The following HYAL3 variants were observed in gnomAD, a reference collection of about 807,000 sequenced individuals.
The protein encoded by HYAL3 is hyaluronidase-3.
HYAL3 carries 25 observed loss-of-function variants against 29.6 expected under a neutral mutation model. The observed-to-expected ratio is 0.85, with a 90% CI of 0.62 to 1.18. The LOEUF (loss-of-function observed/expected upper bound fraction) is 1.18. HYAL3 is among the 50% of genes most tolerant of loss of function. HYAL3 has a pLI of 0.00. For synonymous variants in HYAL3, 215 were observed against 218.3 expected, an observed-to-expected ratio of 0.99 and a Z score of 0.13; for missense variants, 442 against 548.4, an observed-to-expected ratio of 0.81 and a Z score of 1.94.
At chr3:50,293,823 T>C in intron 2 of HYAL3, 102 bp from the exon 3 acceptor site, 1 of 1,059,282 alleles carries the variant, frequency 9.4e-7, no homozygotes, top group Non-Finnish European at 1.4e-6. Flanking sequence ...ACAATCTGAT[T>C]CTAACTCTAC....
In HYAL3 at chr3:50,294,799, G is replaced by A. The variant is rs370093927; in HGVS notation, c.804C>T (p.Phe268=). 2.1e-5 allele frequency: 32 copies of A among 1,520,864 alleles called. No individual in the cohort carries two copies. The African/African-American group carries it at 3.5e-4, about 17-fold the overall frequency. The allele number at this position is 1,520,864 out of a possible 1,614,324, so 94.2% of individuals were successfully genotyped here. Residue 268 remains phenylalanine (F), a synonymous_variant, in exon 2 of 4, where the codon TTC becomes TTT. Transcript: ENST00000336307. ...AFVRHRLEEA[F]RVALVGHRHP... ...GTCGGTGCCCAACAAGGGCCACACG[G>A]AAGGCCTCCTCCAGGCGATGTCGGA... is the stretch of plus-strand genomic sequence containing the variant.
Position 50,293,079 on chromosome 3 carries a change from A to G in HYAL3, c.*167T>C. The G allele has an allele frequency of 7.0e-7, 1 of 1,426,226 alleles. No individual in the cohort carries two copies. Among genetic ancestry groups the G allele is most frequent in the Non-Finnish European group, 9.8e-7 (1 of 1,023,368 alleles). 88.3% of individuals were successfully genotyped at this position (1,426,226 alleles called of 1,614,324 possible). A position where few individuals can be genotyped will look rare whatever the true frequency, so the allele number is the denominator to read the frequency against. On this transcript the variant is annotated 3_prime_UTR_variant, in exon 4 of 4. Transcript: ENST00000336307. Reference sequence around the variant, plus strand: ...GATCTCAGAGGGCCTCTGGTTTTATAAGCGTTTTTTCTGGCCCCTTCTACC... The same window carrying G: ...GATCTCAGAGGGCCTCTGGTTTTATGAGCGTTTTTTCTGGCCCCTTCTACC...
rs1460180100 is a variant in HYAL3, at chr3:50,295,568, C to T, written c.35G>A (p.Gly12Glu). ...GCCACAACCCAGGCACAGGGCCACCCCCAGCACCAGGGCTGGGCCCAGTTG... is the reference window on the plus strand; with the variant it reads ...GCCACAACCCAGGCACAGGGCCACCTCCAGCACCAGGGCTGGGCCCAGTTG... ...TTQLGPALVL[G>E]VALCLGCGQP... Residue 12 changes from glycine (G) to glutamate (E), a missense_variant, in exon 2 of 4, where the codon GGG (glycine) becomes GAG (glutamate). Gly to Glu is a moderately conservative substitution (Grantham distance 98). Coordinates refer to ENST00000336307, the MANE Select transcript of HYAL3 (RefSeq NM_003549.4). 6.4e-7 allele frequency: 1 copy of T among 1,569,524 alleles called. No individual in the cohort carries two copies. Among genetic ancestry groups the T allele is most frequent in the African/African-American group, 1.3e-5 (1 of 74,108 alleles).
At chr3:50,294,657 G>T in intron 2 of HYAL3, 52 bp downstream of exon 2, 1 of 1,440,122 alleles carries the variant, frequency 6.9e-7, no homozygotes. Context: ...GACCTTCCTA[G>T]AACAGGGCCA....
Position 50,295,038 on chromosome 3 carries a change from G to A in HYAL3, c.565C>T (p.Gln189Ter), listed in dbSNP as rs782415335. 2.5e-6 allele frequency: 4 copies of A among 1,613,408 alleles called. No individual in the cohort carries two copies. The highest frequency in any genetic ancestry group is 3.4e-6 in the Non-Finnish European group (4 of 1,179,944). The change falls in exon 2 of 4, where the codon CAG becomes TAG. Residue 189 changes from glutamine to a stop codon, truncating the protein, a stop_gained. Coordinates refer to ENST00000336307, the MANE Select transcript of HYAL3 (RefSeq NM_003549.4). LOFTEE classifies it high-confidence loss of function. Reference protein sequence around the residue: ...ALMEDTLRVAQALRPHGLWGF... With the variant: ...ALMEDTLRVA Reference sequence around the variant, plus strand: ...CAGAGTCCATGGGGCCGTAGTGCCTGGGCCACCCGCAGCGTATCCTCCATC... The same window carrying A: ...CAGAGTCCATGGGGCCGTAGTGCCTAGGCCACCCGCAGCGTATCCTCCATC...
At position 50,298,328 on chromosome 3, in the gene HYAL3, A is replaced by T. The variant is rs587661034; in HGVS notation, c.-18+885T>A. On this transcript the variant is annotated intron_variant, in intron 1 of 3. Coordinates refer to ENST00000336307, the MANE Select transcript of HYAL3 (RefSeq NM_003549.4). ...TTGGCCTGTCTTGACTGCCTTCCCCACCTGGAGCCCATGGCCCCCTTCCCA... is the reference window on the plus strand; with the variant it reads ...TTGGCCTGTCTTGACTGCCTTCCCCTCCTGGAGCCCATGGCCCCCTTCCCA... Among the ~76,000 whole-genome samples, 4 of 151,702 alleles carry T rather than the reference A, an allele frequency of 2.6e-5. No individual in the cohort carries two copies. The South Asian group carries it at 8.4e-4, about 32-fold the overall frequency.
At position 50,293,329 on chromosome 3, in the gene HYAL3, TC is replaced by T. The variant is rs782439743; in HGVS notation, c.1170del (p.Trp390Ter). 2.5e-6 allele frequency: 4 copies of T among 1,613,152 alleles called. No homozygotes were observed. Among genetic ancestry groups the T allele is most frequent in the Admixed American group, 3.3e-5 (2 of 60,010 alleles). ...CAGTAACAGTGGCAGCTGAAGGACT[TC>T]CAATCTCCAAGGCTGCCGTCTGGCC... ...HLWPDGSLGD[W>X]KSFSCHCYWG... On this transcript the variant is annotated frameshift_variant, in exon 4 of 4. Transcript: ENST00000336307. LOFTEE classifies it high-confidence loss of function.
In HYAL3 at chr3:50,293,130, G is replaced by C; in HGVS notation, c.*116C>G. ...CCTCAGGGATTCCAAGGGAAGCGGG[G>C]TGTGTGCTTGGGAGGGTTGACTGTA... On this transcript the variant is annotated 3_prime_UTR_variant, in exon 4 of 4. Transcript: ENST00000336307. 6.6e-7 allele frequency: 1 copy of C among 1,522,928 alleles called. No individual in the cohort carries two copies. Among genetic ancestry groups the C allele is most frequent in the Non-Finnish European group, 9.1e-7 (1 of 1,100,780 alleles). The allele number at this position is 1,522,928 out of a possible 1,614,324, so 94.3% of individuals were successfully genotyped here.
Position 50,295,125 on chromosome 3 carries a change from G to C in HYAL3, c.478C>G (p.Leu160Val), listed in dbSNP as rs782420666. ...TTGTAGAGCTGCTCCTGAGGGTCCA[G>C]GTCAGGGAATACCTGCTGTGCCCAA... Reference protein sequence around the residue: ...WAWAQQVFPDLDPQEQLYKAY... With the variant: ...WAWAQQVFPDVDPQEQLYKAY... Residue 160 changes from leucine to valine, a missense_variant, in exon 2 of 4, where the codon CTG (leucine) becomes GTG (valine). Physicochemically the swap from Leu to Val is conservative, Grantham distance 32. Coordinates refer to ENST00000336307, the MANE Select transcript of HYAL3 (RefSeq NM_003549.4). 6.2e-7 allele frequency: 1 copy of C among 1,613,506 alleles called. No individual in the cohort carries two copies. Among genetic ancestry groups the C allele is most frequent in the Non-Finnish European group, 8.5e-7 (1 of 1,180,050 alleles).
chr3:50,292,882 A>T lies in HYAL3; in HGVS notation c.*364T>A. On this transcript the variant is annotated 3_prime_UTR_variant, in exon 4 of 4. Coordinates refer to ENST00000336307, the MANE Select transcript of HYAL3 (RefSeq NM_003549.4). ...GAAAGAGTGCAGACAACAGCTTAGC[A>T]CTTTACCGACCTTCGCCAAGATTTT... 2.0e-6 allele frequency: 3 copies of T among 1,491,188 alleles called. No homozygotes were observed. In the South Asian group the frequency reaches 3.4e-5, roughly 17 times the overall value. The allele number at this position is 1,491,188 out of a possible 1,614,324, so 92.4% of individuals were successfully genotyped here.
At position 50,297,876 on chromosome 3, in the gene HYAL3, C is replaced by A. The variant is rs1239509015; in HGVS notation, c.-18+1337G>T. The stretch of plus-strand genomic sequence containing the variant: ...AGGGCAGATAGATCCAGGTGTCTAC[C>A]CCACATTGGAGGGAGGCTGGGAGTG... On this transcript the variant is annotated intron_variant, in intron 1 of 3. Coordinates refer to ENST00000336307, the MANE Select transcript of HYAL3 (RefSeq NM_003549.4). This position sits in a 1 kb window ranked among gnomAD's most constrained non-coding sequence, Gnocchi z 4.3. The A allele has an allele frequency of 2.0e-6, 2 of 1,018,724 alleles. No homozygotes were observed. The highest frequency in any genetic ancestry group is 1.2e-4 in the Admixed American group (2 of 17,134). The allele number at this position is 1,018,724 out of a possible 1,614,324, so 63.1% of individuals were successfully genotyped here.
intron 1 of HYAL3, among the ~76,000 whole-genome samples, chr3:50,298,468 G>A (rs1553711751): frequency 6.6e-6 from 1 of 151,680 alleles, no homozygotes; most frequent in East Asian, 1.9e-4. Flanking sequence ...TGCCTCTGCA[G>A]GCTTGGTTCC....
Position 50,295,274 on chromosome 3 carries a change from T to A in HYAL3, c.329A>T (p.Tyr110Phe). 6.2e-7 allele frequency: 1 copy of A among 1,613,988 alleles called. No individual in the cohort carries two copies. Among genetic ancestry groups the A allele is most frequent in the Non-Finnish European group, 8.5e-7 (1 of 1,180,006 alleles). Reference sequence around the variant, plus strand: ...AGGTCTCAGGCTGTGGTGGATCTGGTAGGCAGCCAGTGCCAGGTGGCGGTC... The same window carrying A: ...AGGTCTCAGGCTGTGGTGGATCTGGAAGGCAGCCAGTGCCAGGTGGCGGTC... Reference protein sequence around the residue: ...PLDRHLALAAYQIHHSLRPGF... With the variant: ...PLDRHLALAAFQIHHSLRPGF... Residue 110 changes from tyrosine to phenylalanine, a missense_variant, in exon 2 of 4, where the codon TAC (tyrosine) becomes TTC (phenylalanine). Coordinates refer to ENST00000336307, the MANE Select transcript of HYAL3 (RefSeq NM_003549.4).
chr3:50,299,276 G>A lies in HYAL3; in HGVS notation c.-81C>T. ...TCCGCACAGCTGGGTATCTCACTCA[G>A]TCGCCACCTCGGACTCCTCGGTCCG... On this transcript the variant is annotated 5_prime_UTR_variant, in exon 1 of 4. Transcript: ENST00000336307. The A allele has an allele frequency of 6.2e-7, 1 of 1,613,612 alleles. No homozygotes were observed. The highest frequency in any genetic ancestry group is 1.1e-5 in the South Asian group (1 of 91,084).
At chr3:50,296,987 G>A (rs1701875685) in intron 1 of HYAL3, 1 of 1,573,280 alleles carries the variant, frequency 6.4e-7, no homozygotes, top group East Asian at 2.2e-5. Context: ...AGACCTCCAG[G>A]CCCTCCATGA....
chr3:50,294,885 C>T lies in HYAL3; in HGVS notation c.718G>A (p.Ala240Thr). Residue 240 changes from alanine (A) to threonine (T), a missense_variant, in exon 2 of 4, where the codon GCC becomes ACC. Coordinates refer to ENST00000336307, the MANE Select transcript of HYAL3 (RefSeq NM_003549.4). The stretch of plus-strand genomic sequence containing the variant: ...GGGAGGTAGATGCTGGGGAAGAGGG[C>T]ACTGGAGGCGGCCCAGAGCCAATGC... ...QLHWLWAASS[A>T]LFPSIYLPPR... 6.4e-7 allele frequency: 1 copy of T among 1,563,240 alleles called. No individual in the cohort carries two copies. Among genetic ancestry groups the T allele is most frequent in the Non-Finnish European group, 8.7e-7 (1 of 1,148,382 alleles).
intron 3 of HYAL3, 51 bp downstream of exon 3, chr3:50,293,581 C>T: frequency 6.2e-7 from 1 of 1,612,354 alleles, no homozygotes; most frequent in Non-Finnish European, 8.5e-7. Flanking sequence ...CGTCCCCCAC[C>T]CTGGGACCCC....
Position 50,295,261 on chromosome 3 carries a change from G to A in HYAL3, c.342C>T (p.His114=). The change falls in exon 2 of 4, where the codon CAC becomes CAT. Residue 114 remains histidine, a synonymous_variant. Coordinates refer to ENST00000336307, the MANE Select transcript of HYAL3 (RefSeq NM_003549.4). ...GGCCAGCAAAGCCAGGTCTCAGGCT[G>A]TGGTGGATCTGGTAGGCAGCCAGTG... ...HLALAAYQIH[H]SLRPGFAGPA... 6.2e-7 allele frequency: 1 copy of A among 1,614,018 alleles called. No homozygotes were observed.
intron 1 of HYAL3, chr3:50,296,349 A>C: frequency 3.8e-6 from 2 of 522,506 alleles, no homozygotes; most frequent in Non-Finnish European, 6.7e-6. Flanking sequence ...AGGGACCTGC[A>C]GAAGAGGTGA....
Sources: allele counts gnomAD v4.1 joint callset (sites outside exome capture counted in the v4.1 genomes callset), GRCh38; gene constraint gnomAD v4.1.1; non-coding constraint Gnocchi (gnomAD v3.1); transcripts MANE v1.5; gene names NCBI Gene and HGNC (gene_info 2026-07-23, HGNC 2026-07-21).